BMP5: variants seen among roughly 807,000 people sequenced by gnomAD.
BMP5 encodes the protein bone morphogenetic protein 5.
BMP5 carries 23 observed loss-of-function variants against 46.6 expected under a neutral mutation model. The observed-to-expected ratio is 0.49, with a 90% CI of 0.35 to 0.70. The LOEUF is 0.70. Ranked by LOEUF, BMP5 falls within the 30% of genes least tolerant of loss-of-function variation. The pLI is 0.00. For synonymous variants in BMP5, 204 were observed against 191.9 expected (o/e 1.06, Z -0.52); for missense variants, 545 against 565.6 (o/e 0.96, Z 0.37).
intron 1 of BMP5, among the ~76,000 whole-genome samples, chr6:55,823,479 T>TGG (rs1776457704): frequency 6.6e-6 from 1 of 152,052 alleles, no homozygotes; most frequent in South Asian, 2.1e-4. Context: ...ATCATTTGTG[T>TGG]GGTACATATT....
intron 1 of BMP5, among the ~76,000 whole-genome samples, chr6:55,841,062 T>C (rs959766103): frequency 1.3e-5 from 2 of 152,178 alleles, no homozygotes; most frequent in African/African-American, 2.4e-5. Flanking sequence ...AACCCTATTT[T>C]TAACTGTGCA....
chr6:55,857,187 G>C lies in BMP5; in HGVS notation c.490+17189C>G, dbSNP rs12201711. ...TTTAGAGTTTATCGATCACTCAACT[G>C]CTTCTTCAGTGGCATTATTTTTGCA... On this transcript the variant is annotated intron_variant, in intron 1 of 6. Transcript: ENST00000370830. 5.7e-3 allele frequency among the ~76,000 whole-genome samples: 874 copies of C among 152,188 alleles called. 9 individuals are homozygous for C. The highest frequency in any genetic ancestry group is 0.014 in the Middle Eastern group (4 of 294).
chr6:55,817,978 A>G (rs1277989063), intron 2 of BMP5, among the ~76,000 whole-genome samples: 8 of 152,152 alleles, frequency 5.3e-5, no homozygotes, highest in Admixed American at 5.2e-4. Flanking sequence ...AAAATAGCCA[A>G]GGTAGAGACA....
At chr6:55,772,960 T>A (rs1024014530) in intron 4 of BMP5, 23 of 973,706 alleles carry the variant, frequency 2.4e-5, no homozygotes, top group Non-Finnish European at 2.7e-5. Flanking sequence ...ATTTCTTATC[T>A]AAACACTCAT....
intron 2 of BMP5, among the ~76,000 whole-genome samples, chr6:55,796,175 C>T (rs1172635211): frequency 6.6e-6 from 1 of 152,084 alleles, no homozygotes; most frequent in Non-Finnish European, 1.5e-5. Flanking sequence ...TTCAGGTCTG[C>T]TTTCATTTGA....
At chr6:55,793,282 C>T (rs749844665) in intron 3 of BMP5, among the ~76,000 whole-genome samples, 2 of 152,194 alleles carry the variant, frequency 1.3e-5, no homozygotes, top group African/African-American at 4.8e-5. Context: ...TGCCCCCCAA[C>T]TTCTTCCCCT....
chr6:55,860,886 T>C (rs888384683), intron 1 of BMP5, among the ~76,000 whole-genome samples: 4 of 152,206 alleles, frequency 2.6e-5, no homozygotes, highest in Non-Finnish European at 5.9e-5. Context: ...GGAAAACAAA[T>C]ATATCCCAAG....
chr6:55,823,647 T>C (rs1013987180), intron 1 of BMP5, among the ~76,000 whole-genome samples: 14 of 151,958 alleles, frequency 9.2e-5, no homozygotes, highest in Non-Finnish European at 1.5e-5. Context: ...TATTGTTTTG[T>C]TTTGTTATGT....
Position 55,859,583 on chromosome 6 carries a change from A to G in BMP5, c.490+14793T>C, listed in dbSNP as rs1206090375. On this transcript the variant is annotated intron_variant, in intron 1 of 6. Coordinates refer to ENST00000370830, the MANE Select transcript of BMP5 (RefSeq NM_021073.4). Reference sequence around the variant, plus strand: ...AACCTTACATAAACAGTTCAACTATACAAAAAGGTGTATTTTTAAAGTATA... The same window carrying G: ...AACCTTACATAAACAGTTCAACTATGCAAAAAGGTGTATTTTTAAAGTATA... Among the ~76,000 whole-genome samples the G allele has an allele frequency of 2.0e-5, 3 of 152,222 alleles. No individual in the cohort carries two copies. The East Asian group carries it at 5.8e-4, about 29-fold the overall frequency.
chr6:55,872,124 C>T (rs1777802055), intron 1 of BMP5, among the ~76,000 whole-genome samples: 1 of 151,610 alleles, frequency 6.6e-6, no homozygotes, highest in South Asian at 2.1e-4. Flanking sequence ...AAAGTTGAAG[C>T]TTTTTACTAA....
chr6:55,764,571 C>CAAAAAAAAAAAAAAAAAACAAA (rs57293392), intron 4 of BMP5, among the ~76,000 whole-genome samples: 1 of 110,154 alleles, frequency 9.1e-6, no homozygotes, highest in African/African-American at 3.3e-5. Flanking sequence ...GACTCTGTCT[C>CAAAAAAAAAAAAAAAAAACAAA]AAAAAAAAAA....
chr6:55,770,627 G>A (rs1295547711), intron 4 of BMP5, among the ~76,000 whole-genome samples: 1 of 151,900 alleles, frequency 6.6e-6, no homozygotes, highest in Non-Finnish European at 1.5e-5. Context: ...ACAACTGTTT[G>A]TTTGGCACAA....
intron 2 of BMP5, among the ~76,000 whole-genome samples, chr6:55,804,667 G>T (rs536502781): frequency 1.3e-5 from 2 of 152,314 alleles, no homozygotes; most frequent in South Asian, 4.1e-4. Flanking sequence ...TAGATGACTA[G>T]TTGAGTGGAG....
chr6:55,837,895 G>T (rs1314176725), intron 1 of BMP5, among the ~76,000 whole-genome samples: 2 of 152,168 alleles, frequency 1.3e-5, no homozygotes, highest in African/African-American at 4.8e-5. Context: ...TCCCACAAAT[G>T]TGAGAACATG....
At chr6:55,857,326 A>C (rs1777424286) in intron 1 of BMP5, among the ~76,000 whole-genome samples, 1 of 152,224 alleles carries the variant, frequency 6.6e-6, no homozygotes. Context: ...TATGATTATA[A>C]AATGTTTAAA....
At chr6:55,848,125 C>T (rs985151892) in intron 1 of BMP5, among the ~76,000 whole-genome samples, 1 of 151,950 alleles carries the variant, frequency 6.6e-6, no homozygotes, top group Admixed American at 6.6e-5. Context: ...CTACTTTCAA[C>T]CAGAATGCTT....
intron 2 of BMP5, among the ~76,000 whole-genome samples, chr6:55,817,656 C>T (rs184676304): frequency 3.0e-4 from 45 of 151,952 alleles, no homozygotes; most frequent in Admixed American, 2.7e-3. Context: ...TGCTGAATGA[C>T]GAGTTAATGG....
At chr6:55,782,670 T>C (rs1775352593) in intron 3 of BMP5, among the ~76,000 whole-genome samples, 1 of 152,100 alleles carries the variant, frequency 6.6e-6, no homozygotes, top group African/African-American at 2.4e-5. Context: ...TACTTCTACA[T>C]ATAAACATAA....
chr6:55,792,313 C>G lies in BMP5; in HGVS notation c.832+1966G>C, dbSNP rs185719141. 2.0e-5 allele frequency among the ~76,000 whole-genome samples: 3 copies of G among 152,224 alleles called. No individual in the cohort carries two copies. The East Asian group carries it at 5.8e-4, about 29-fold the overall frequency. On this transcript the variant is annotated intron_variant, in intron 3 of 6. Coordinates refer to ENST00000370830, the MANE Select transcript of BMP5 (RefSeq NM_021073.4). ...CTTTGGAAGGCCAAGGCGGGCGGAT[C>G]ACGAGGTCAGGAGATCGAGACCATC...
Sources: gnomAD v4.1 joint callset for allele counts (sites outside exome capture counted in the v4.1 genomes callset) on GRCh38, gnomAD v4.1.1 for gene constraint, MANE v1.5 for transcripts, NCBI Gene and HGNC (gene_info 2026-07-23, HGNC 2026-07-21) for gene names.